The following WFIKKN1 variants were observed in gnomAD, a reference collection of about 807,000 sequenced individuals.
WFIKKN1 encodes WAP, follistatin/kazal, immunoglobulin, kunitz and netrin domain containing 1.
In WFIKKN1, 6 loss-of-function variants were observed where a neutral mutation model predicts 4.6. The ratio of observed to expected loss-of-function variants is 1.31; its 90% CI spans 0.72 to 2.59. The LOEUF (loss-of-function observed/expected upper bound fraction) is 2.59, where lower values mean the gene tolerates loss of function less well. WFIKKN1 is among the 30% of genes most tolerant of loss of function. The probability of loss-of-function intolerance (pLI) is 0.00; values close to 1 mark genes in which losing one functional copy is unlikely to be tolerated. For synonymous variants in WFIKKN1, 468 were observed against 367.4 expected (o/e 1.27, Z -3.13); for missense variants, 964 against 818.0 (o/e 1.18, Z -2.18).
chr16:633,374 C>T lies in WFIKKN1; in HGVS notation c.964C>T (p.Gln322Ter), dbSNP rs753443079. 2 of 1,568,242 alleles carry T rather than the reference C, an allele frequency of 1.3e-6. No individual in the cohort carries two copies. Among genetic ancestry groups the T allele is most frequent in the South Asian group, 1.2e-5 (1 of 86,022 alleles). Residue 322 changes from glutamine to a stop codon, truncating the protein, a stop_gained, in exon 2 of 2, where the codon CAG (glutamine) becomes TAG (stop). Transcript: ENST00000319070. LOFTEE classifies it low-confidence loss of function (END_TRUNC). ...CCTTGTCCTCTGGCACTACGACCCG[C>T]AGCGGGGCGGCTGCATGACCTTCCC... ...PHLVLWHYDP[Q>*]RGGCMTFPAR... is the part of the protein sequence containing the mutation.
Position 631,565 on chromosome 16 carries a change from C to A in WFIKKN1, c.171+141C>A, listed in dbSNP as rs2036948887. 8.0e-6 allele frequency: 8 copies of A among 998,146 alleles called. No individual in the cohort carries two copies. In the South Asian group the frequency reaches 1.5e-4, roughly 19 times the overall value. The allele number at this position is 998,146 out of a possible 1,614,324, so 61.8% of individuals were successfully genotyped here. A position where few individuals can be genotyped will look rare whatever the true frequency, so the allele number is the denominator to read the frequency against. On this transcript the variant is annotated intron_variant, in intron 1 of 1. Coordinates refer to ENST00000319070, the MANE Select transcript of WFIKKN1 (RefSeq NM_053284.3). ...GCCCCTTAAGGGGCCCAGAGACACC[C>A]CCATCGTTGCCCTCATTTGTCTTAA...
Position 634,003 on chromosome 16 carries a change from C to T in WFIKKN1, c.1593C>T (p.Ile531=), listed in dbSNP as rs749753292. ...RAASEKRVKK[I]LELLEKQACE... ...CCAGCGAGAAGCGCGTCAAGAAGAT[C>T]TTGGAGCTGCTGGAGAAGCAGGCCT... The change falls in exon 2 of 2, where the codon ATC becomes ATT. Residue 531 remains isoleucine (I), a synonymous_variant. Transcript: ENST00000319070. 8 of 1,602,528 alleles carry T rather than the reference C, an allele frequency of 5.0e-6. No individual in the cohort carries two copies. The South Asian group carries it at 8.9e-5, about 18-fold the overall frequency.
chr16:633,132 T>C lies in WFIKKN1; in HGVS notation c.722T>C (p.Val241Ala), dbSNP rs1596429460. ...MRPDQMYGNV[V>A]VTSIGQLVLY... is the part of the protein sequence containing the mutation. ...CCTGATCAGATGTATGGCAACGTGG[T>C]GGTCACCAGCATCGGGCAGCTGGTG... Residue 241 changes from valine to alanine, a missense_variant, in exon 2 of 2, where the codon GTG becomes GCG. Transcript: ENST00000319070. 2 of 1,606,874 alleles carry C rather than the reference T, an allele frequency of 1.2e-6. No individual in the cohort carries two copies. Among genetic ancestry groups the C allele is most frequent in the African/African-American group, 1.3e-5 (1 of 74,712 alleles).
In WFIKKN1 at chr16:632,673, C is replaced by T. The variant is rs148475508; in HGVS notation, c.263C>T (p.Thr88Met). The T allele has an allele frequency of 4.4e-5, 70 of 1,605,742 alleles. No individual in the cohort carries two copies. In the African/African-American group the frequency reaches 4.8e-4, roughly 11 times the overall value. ...TTCCCCGGCAGCCCAGCTGCGCCGACGACAGCGGCCTCCTGCGAGGGCTTT... is the reference window on the plus strand; with the variant it reads ...TTCCCCGGCAGCCCAGCTGCGCCGATGACAGCGGCCTCCTGCGAGGGCTTT... Reference protein sequence around the residue: ...ARFPGSPAAPTTAASCEGFVC... With the variant: ...ARFPGSPAAPMTAASCEGFVC... The change falls in exon 2 of 2, where the codon ACG becomes ATG. Residue 88 changes from threonine (T) to methionine (M), a missense_variant. Coordinates refer to ENST00000319070, the MANE Select transcript of WFIKKN1 (RefSeq NM_053284.3).
chr16:633,351 T>C lies in WFIKKN1; in HGVS notation c.941T>C (p.Leu314Pro). 1 of 1,575,724 alleles carries C rather than the reference T, an allele frequency of 6.3e-7. No individual in the cohort carries two copies. The highest frequency in any genetic ancestry group is 8.6e-7 in the Non-Finnish European group (1 of 1,165,590). The change falls in exon 2 of 2, where the codon CTT becomes CCT. Residue 314 changes from leucine to proline, a missense_variant. Transcript: ENST00000319070. The part of the protein sequence containing the change: ...QACTGPTSPH[L>P]VLWHYDPQRG... ...TGCACGGGCCCCACTTCCCCACACCTTGTCCTCTGGCACTACGACCCGCAG... is the reference window on the plus strand; with the variant it reads ...TGCACGGGCCCCACTTCCCCACACCCTGTCCTCTGGCACTACGACCCGCAG...
chr16:632,962 G>A lies in WFIKKN1; in HGVS notation c.552G>A (p.Val184=). Reference sequence around the variant, plus strand: ...GCCCCACACCTGGGGCCGCGCCCGTGCCTCCTGCCCTGTACAGCAGCCCCT... The same window carrying A: ...GCCCCACACCTGGGGCCGCGCCCGTACCTCCTGCCCTGTACAGCAGCCCCT... ...TARPTPGAAP[V]PPALYSSPSP... Residue 184 remains valine (V), a synonymous_variant, in exon 2 of 2, where the codon GTG becomes GTA. Coordinates refer to ENST00000319070, the MANE Select transcript of WFIKKN1 (RefSeq NM_053284.3). 1.3e-6 allele frequency: 2 copies of A among 1,568,284 alleles called. No homozygotes were observed. The highest frequency in any genetic ancestry group is 1.7e-6 in the Non-Finnish European group (2 of 1,156,026).
rs983631036 is a variant in WFIKKN1, at chr16:631,214, T to C, written c.-40T>C. On this transcript the variant is annotated 5_prime_UTR_variant, in exon 1 of 2. Coordinates refer to ENST00000319070, the MANE Select transcript of WFIKKN1 (RefSeq NM_053284.3). ...GGCTCTGTGGAGCCCGAGGAGGGGC[T>C]GGTGGCCACACCCCCCGGCCCCCTG... 1 of 1,525,496 alleles carries C rather than the reference T, an allele frequency of 6.6e-7. No homozygotes were observed. The highest frequency in any genetic ancestry group is 2.0e-5 in the Admixed American group (1 of 50,492). The allele number at this position is 1,525,496 out of a possible 1,614,324, so 94.5% of individuals were successfully genotyped here.
At position 633,968 on chromosome 16, in the gene WFIKKN1, G is replaced by A. The variant is rs377538077; in HGVS notation, c.1558G>A (p.Val520Ile). The stretch of plus-strand genomic sequence containing the variant: ...GGCCGTGCTGGACGCCGGCAGCTAC[G>A]TCCGCGCCGCCAGCGAGAAGCGCGT... Reference protein sequence around the residue: ...GVAVLDAGSYVRAASEKRVKK... With the variant: ...GVAVLDAGSYIRAASEKRVKK... Residue 520 changes from valine to isoleucine, a missense_variant, in exon 2 of 2, where the codon GTC becomes ATC. Physicochemically the swap from Val to Ile is conservative, Grantham distance 29. Transcript: ENST00000319070. 2.1e-5 allele frequency: 34 copies of A among 1,598,062 alleles called. 1 individual carries two copies. The highest frequency in any genetic ancestry group is 2.9e-5 in the Non-Finnish European group (34 of 1,173,256).
At position 632,710 on chromosome 16, in the gene WFIKKN1, G is replaced by T; in HGVS notation, c.300G>T (p.Gln100His). 6.2e-7 allele frequency: 1 copy of T among 1,610,034 alleles called. No individual in the cohort carries two copies. The highest frequency in any genetic ancestry group is 8.5e-7 in the Non-Finnish European group (1 of 1,178,604). The change falls in exon 2 of 2, where the codon CAG becomes CAT. Residue 100 changes from glutamine to histidine, a missense_variant. Coordinates refer to ENST00000319070, the MANE Select transcript of WFIKKN1 (RefSeq NM_053284.3). ...CCTGCGAGGGCTTTGTGTGCCCACA[G>T]CAGGGCTCGGACTGCGACATCTGGG... The part of the protein sequence containing the change: ...AASCEGFVCP[Q>H]QGSDCDIWDG...
chr16:634,104 C>A lies in WFIKKN1; in HGVS notation c.*47C>A. 6.7e-7 allele frequency: 1 copy of A among 1,485,148 alleles called. No homozygotes were observed. Among genetic ancestry groups the A allele is most frequent in the Non-Finnish European group, 8.9e-7 (1 of 1,126,206 alleles). The allele number at this position is 1,485,148 out of a possible 1,614,324, so 92.0% of individuals were successfully genotyped here. A position where few individuals can be genotyped will look rare whatever the true frequency, so the allele number is the denominator to read the frequency against. Reference sequence around the variant, plus strand: ...CCCCGTCCTGGTGAATAAACGCACTCCCTGTGCCTCAGACCTCCTGGCTTG... The same window carrying A: ...CCCCGTCCTGGTGAATAAACGCACTACCTGTGCCTCAGACCTCCTGGCTTG... On this transcript the variant is annotated 3_prime_UTR_variant, in exon 2 of 2. Coordinates refer to ENST00000319070, the MANE Select transcript of WFIKKN1 (RefSeq NM_053284.3).
In WFIKKN1 at chr16:632,946, C is replaced by T. The variant is rs1291847637; in HGVS notation, c.536C>T (p.Pro179Leu). 2 of 1,560,710 alleles carry T rather than the reference C, an allele frequency of 1.3e-6. No individual in the cohort carries two copies. Among genetic ancestry groups the T allele is most frequent in the Non-Finnish European group, 1.7e-6 (2 of 1,152,818 alleles). The change falls in exon 2 of 2, where the codon CCT becomes CTT. Residue 179 changes from proline (P) to leucine (L), a missense_variant. Pro to Leu is a moderately conservative substitution (Grantham distance 98). Transcript: ENST00000319070. ...GPPETTARPTPGAAPVPPALY... is the reference protein window; with the variant it reads ...GPPETTARPTLGAAPVPPALY... ...CCGGAGACCACTGCCCGCCCCACAC[C>T]TGGGGCCGCGCCCGTGCCTCCTGCC...
In WFIKKN1 at chr16:631,326, G is replaced by C; in HGVS notation, c.73G>C (p.Gly25Arg). 1 of 1,604,252 alleles carries C rather than the reference G, an allele frequency of 6.2e-7. No individual in the cohort carries two copies. The highest frequency in any genetic ancestry group is 8.5e-7 in the Non-Finnish European group (1 of 1,179,260). The change falls in exon 1 of 2, where the codon GGG becomes CGG. Residue 25 changes from glycine to arginine, a missense_variant. By Grantham distance (125) the Gly-to-Arg change is moderately radical. Coordinates refer to ENST00000319070, the MANE Select transcript of WFIKKN1 (RefSeq NM_053284.3). ...GACCTCGGGGGCTGGCTTGCTGCCA[G>C]GGCTGGGGAGCCACCCGGGCGTGTG... Reference protein sequence around the residue: ...RLTSGAGLLPGLGSHPGVCPN... With the variant: ...RLTSGAGLLPRLGSHPGVCPN...
At position 633,008 on chromosome 16, in the gene WFIKKN1, G is replaced by C. The variant is rs1346928367; in HGVS notation, c.598G>C (p.Gly200Arg). ...CCCCTCCCCACAGGCGGTGCAGGTT[G>C]GGGGTACGGCCAGCCTCCACTGCGA... ...SSPSPQAVQVGGTASLHCDVS... is the reference protein window; with the variant it reads ...SSPSPQAVQVRGTASLHCDVS... Residue 200 changes from glycine to arginine, a missense_variant, in exon 2 of 2, where the codon GGG becomes CGG. Coordinates refer to ENST00000319070, the MANE Select transcript of WFIKKN1 (RefSeq NM_053284.3). The C allele has an allele frequency of 2.1e-5, 34 of 1,605,338 alleles. No individual in the cohort carries two copies. Among genetic ancestry groups the C allele is most frequent in the Non-Finnish European group, 2.9e-5 (34 of 1,175,772 alleles).
At chr16:631,561 C>A in intron 1 of WFIKKN1, 137 bp downstream of exon 1, 1 of 1,087,712 alleles carries the variant, frequency 9.2e-7, no homozygotes, top group Non-Finnish European at 1.2e-6. Flanking sequence ...GGCCCAGAGA[C>A]ACCCCCATCG....
In WFIKKN1 at chr16:632,756, T is replaced by C; in HGVS notation, c.346T>C (p.Cys116Arg). The C allele has an allele frequency of 6.2e-7, 1 of 1,608,726 alleles. No homozygotes were observed. Among genetic ancestry groups the C allele is most frequent in the East Asian group, 2.2e-5 (1 of 44,758 alleles). ...CTGGGACGGGCAGCCCGTGTGCCGC[T>C]GCCGCGACCGCTGTGAGAAGGAGCC... ...DIWDGQPVCR[C>R]RDRCEKEPSF... Residue 116 changes from cysteine to arginine, a missense_variant, in exon 2 of 2, where the codon TGC (cysteine) becomes CGC (arginine). Cys to Arg is a radical substitution (Grantham distance 180). Transcript: ENST00000319070.
rs374981998 is a variant in WFIKKN1 at position 633,376 on chromosome 16, G to A, written c.966G>A (p.Gln322=). The change falls in exon 2 of 2, where the codon CAG becomes CAA. Residue 322 remains glutamine, a synonymous_variant. Transcript: ENST00000319070. Reference sequence around the variant, plus strand: ...TTGTCCTCTGGCACTACGACCCGCAGCGGGGCGGCTGCATGACCTTCCCGG... The same window carrying A: ...TTGTCCTCTGGCACTACGACCCGCAACGGGGCGGCTGCATGACCTTCCCGG... The part of the protein sequence containing the change: ...PHLVLWHYDP[Q]RGGCMTFPAR... The A allele has an allele frequency of 1.9e-6, 3 of 1,567,802 alleles. No homozygotes were observed. The highest frequency in any genetic ancestry group is 1.8e-5 in the Admixed American group (1 of 55,452).
chr16:632,827 C>T lies in WFIKKN1; in HGVS notation c.417C>T (p.Cys139=), dbSNP rs1361686451. ...ACGGCCTCACCTACTACAACCGCTG[C>T]TATATGGACGCCGAGGCCTGCCTGC... is the stretch of plus-strand genomic sequence containing the variant. ...ASDGLTYYNR[C]YMDAEACLRG... is the part of the protein sequence containing the mutation. The change falls in exon 2 of 2, where the codon TGC becomes TGT. Residue 139 remains cysteine, a synonymous_variant. Transcript: ENST00000319070. The T allele has an allele frequency of 6.3e-7, 1 of 1,579,618 alleles. No individual in the cohort carries two copies. Among genetic ancestry groups the T allele is most frequent in the Non-Finnish European group, 8.6e-7 (1 of 1,160,624 alleles).
Position 633,955 on chromosome 16 carries a change from C to T in WFIKKN1, c.1545C>T (p.Asp515=), listed in dbSNP as rs1555458023. 11 of 1,596,760 alleles carry T rather than the reference C, an allele frequency of 6.9e-6. No individual in the cohort carries two copies. Among genetic ancestry groups the T allele is most frequent in the South Asian group, 2.2e-5 (2 of 88,940 alleles). ...GEVRDGVAVL[D]AGSYVRAASE... ...TGCGCGATGGCGTGGCCGTGCTGGA[C>T]GCCGGCAGCTACGTCCGCGCCGCCA... Residue 515 remains aspartate (D), a synonymous_variant, in exon 2 of 2, where the codon GAC becomes GAT. Transcript: ENST00000319070.
At position 633,154 on chromosome 16, in the gene WFIKKN1, G is replaced by A. The variant is rs1294023650; in HGVS notation, c.744G>A (p.Leu248=). The A allele has an allele frequency of 1.9e-6, 3 of 1,603,592 alleles. No homozygotes were observed. The highest frequency in any genetic ancestry group is 2.6e-6 in the Non-Finnish European group (3 of 1,173,694). Residue 248 remains leucine (L), a synonymous_variant, in exon 2 of 2, where the codon CTG becomes CTA. Transcript: ENST00000319070. ...GNVVVTSIGQ[L]VLYNARPEDA... is the part of the protein sequence containing the mutation. ...TGGTGGTCACCAGCATCGGGCAGCTGGTGCTCTACAACGCGCGGCCCGAAG... is the reference window on the plus strand; with the variant it reads ...TGGTGGTCACCAGCATCGGGCAGCTAGTGCTCTACAACGCGCGGCCCGAAG...
Sources: allele counts gnomAD v4.1 joint callset, GRCh38; gene constraint gnomAD v4.1.1; transcripts MANE v1.5; gene names NCBI Gene and HGNC (gene_info 2026-07-23, HGNC 2026-07-21).